Variants in RMDN2 observed in about 807,000 individuals in gnomAD.
The protein encoded by RMDN2 is regulator of microtubule dynamics 2.
A neutral mutation model predicts 52.8 loss-of-function variants in RMDN2; 61 were observed. The observed-to-expected ratio is 1.16, with a 90% CI of 0.94 to 1.43. The LOEUF (loss-of-function observed/expected upper bound fraction) is 1.43. Ranked by LOEUF, RMDN2 falls within the 40% of genes most tolerant of loss-of-function variation. The pLI is 0.00. For missense variants in RMDN2, 592 were observed against 475.3 expected (o/e 1.25, Z -2.28); for synonymous variants, 180 against 153.1 (o/e 1.18, Z -1.30).
intron 7 of RMDN2, among the ~76,000 whole-genome samples, chr2:37,995,915 G>A (rs1278795693): frequency 2.0e-5 from 3 of 152,186 alleles, no homozygotes; most frequent in Admixed American, 6.5e-5. Flanking sequence ...AGTATGAGGT[G>A]TTTCAAGGAT....
At chr2:37,926,117 G>A (rs1188964859) in intron 1 of RMDN2, among the ~76,000 whole-genome samples, 1 of 152,148 alleles carries the variant, frequency 6.6e-6, no homozygotes, top group Non-Finnish European at 1.5e-5. Flanking sequence ...GGGCTTTTTT[G>A]TAATGTCTCT....
intron 2 of RMDN2, among the ~76,000 whole-genome samples, chr2:37,968,206 C>T (rs1475336469): frequency 3.3e-5 from 5 of 151,944 alleles, no homozygotes; most frequent in East Asian, 1.9e-4. Flanking sequence ...TTTGGGAGGA[C>T]GAGGTGGGCA....
At chr2:37,997,805 A>G (rs1452482232) in intron 8 of RMDN2, 4 of 326,974 alleles carry the variant, frequency 1.2e-5, no homozygotes, top group Non-Finnish European at 1.7e-5. Context: ...GCTAAGTCCA[A>G]GAACAGCTCT....
upstream of RMDN2, among the ~76,000 whole-genome samples, chr2:37,923,015 G>A (rs534691956): frequency 1.3e-5 from 2 of 152,196 alleles, no homozygotes; most frequent in African/African-American, 4.8e-5. Context: ...TTGTCATGCC[G>A]TACTGGTTTG....
chr2:38,015,140 C>G (rs1678568845), intron 10 of RMDN2, among the ~76,000 whole-genome samples: 2 of 152,172 alleles, frequency 1.3e-5, no homozygotes, highest in South Asian at 4.1e-4. Context: ...AACCCCAACC[C>G]CAGTATCATC....
intron 10 of RMDN2, among the ~76,000 whole-genome samples, chr2:38,008,302 G>A (rs1677414919): frequency 6.6e-6 from 1 of 152,108 alleles, no homozygotes; most frequent in Non-Finnish European, 1.5e-5. Flanking sequence ...TGTTGACAGT[G>A]GGGTGTTAAA....
At position 38,004,004 on chromosome 2, in the gene RMDN2, GC is replaced by G. The variant is rs1337360662; in HGVS notation, c.1061del (p.Pro354LeufsTer11). ...LHNFLKAEEL[C>X]PGYSNPNYMY... ...CTCTCAAATCAGGCTGAAGAACTAT[GC>G]CCTGGTTATTCTAATCCCAATTACA... On this transcript the variant is annotated frameshift_variant, in exon 9 of 11. Coordinates refer to ENST00000354545, the MANE Select transcript of RMDN2 (RefSeq NM_001170791.3). LOFTEE classifies it high-confidence loss of function. 7 of 1,612,714 alleles carry G rather than the reference GC, an allele frequency of 4.3e-6. No individual in the cohort carries two copies. Among genetic ancestry groups the G allele is most frequent in the Non-Finnish European group, 5.9e-6 (7 of 1,178,948 alleles).
At chr2:38,056,596 G>C (rs1030036179) in intron 10 of RMDN2, among the ~76,000 whole-genome samples, 1 of 152,174 alleles carries the variant, frequency 6.6e-6, no homozygotes, top group African/African-American at 2.4e-5. Flanking sequence ...TTGATTTACT[G>C]TGCTCAGCAT....
intron 4 of RMDN2, among the ~76,000 whole-genome samples, chr2:37,979,256 G>A (rs897055415): frequency 3.3e-5 from 5 of 151,854 alleles, no homozygotes; most frequent in Admixed American, 3.3e-4. Context: ...GAGAAGGAGA[G>A]GCATAAATAA....
chr2:38,031,256 CTTTTTTTTTTT>C (rs552306141), intron 10 of RMDN2, among the ~76,000 whole-genome samples: 7 of 105,872 alleles, frequency 6.6e-5, no homozygotes, highest in Admixed American at 3.2e-4. Context: ...CTTTGTTTCC[CTTTTTTTTTTT>C]TTTTTTTTTT....
chr2:37,954,406 C>A (rs1441085281), intron 2 of RMDN2, among the ~76,000 whole-genome samples: 1 of 151,968 alleles, frequency 6.6e-6, no homozygotes, highest in Non-Finnish European at 1.5e-5. Context: ...TTACTTCATT[C>A]TTTTATATGT....
chr2:37,964,931 G>C (rs1470534030), intron 2 of RMDN2, among the ~76,000 whole-genome samples: 2 of 152,096 alleles, frequency 1.3e-5, no homozygotes, highest in Admixed American at 6.5e-5. Flanking sequence ...GATGTTGAGT[G>C]CATTTAGTGT....
chr2:37,977,414 G>A (rs576062437), intron 4 of RMDN2, among the ~76,000 whole-genome samples: 24 of 151,958 alleles, frequency 1.6e-4, no homozygotes, highest in African/African-American at 3.6e-4. Flanking sequence ...CAGACGGGTC[G>A]GCCGGGCAGA....
chr2:38,014,198 G>A (rs759103175), intron 10 of RMDN2, among the ~76,000 whole-genome samples: 5 of 152,036 alleles, frequency 3.3e-5, no homozygotes, highest in African/African-American at 1.2e-4. Context: ...GGCAACAAGA[G>A]TGAAACTCCG....
intron 2 of RMDN2, among the ~76,000 whole-genome samples, chr2:37,960,789 G>T (rs1013084228): frequency 9.9e-5 from 15 of 152,076 alleles, no homozygotes; most frequent in Non-Finnish European, 2.1e-4. Context: ...TAGTGACATT[G>T]GTCTGTGTAT....
At chr2:37,961,109 G>T (rs1670169131) in intron 2 of RMDN2, among the ~76,000 whole-genome samples, 1 of 152,006 alleles carries the variant, frequency 6.6e-6, no homozygotes, top group African/African-American at 2.4e-5. Context: ...TTTCTCTCTG[G>T]CTGCCCTTAA....
intron 2 of RMDN2, among the ~76,000 whole-genome samples, chr2:37,939,108 T>C (rs1462720502): frequency 6.6e-6 from 1 of 152,230 alleles, no homozygotes; most frequent in African/African-American, 2.4e-5. Context: ...TTTGTTCTCG[T>C]CGGTTTCAAA....
intron 10 of RMDN2, among the ~76,000 whole-genome samples, chr2:38,011,377 T>G (rs751931708): frequency 1.3e-5 from 2 of 152,180 alleles, no homozygotes; most frequent in African/African-American, 2.4e-5. Context: ...TTGACTGGTG[T>G]TGTGGGAACA....
At chr2:38,061,234 A>G (rs1263249449) in intron 10 of RMDN2, among the ~76,000 whole-genome samples, 4 of 152,014 alleles carry the variant, frequency 2.6e-5, no homozygotes, top group Non-Finnish European at 5.9e-5. Flanking sequence ...TGTGAAGGAA[A>G]TGCAGGCACT....
Sources: gnomAD v4.1 joint callset for allele counts (sites outside exome capture counted in the v4.1 genomes callset) on GRCh38, gnomAD v4.1.1 for gene constraint, MANE v1.5 for transcripts, NCBI Gene and HGNC (gene_info 2026-07-23, HGNC 2026-07-21) for gene names.